The following PDE8B variants were observed in gnomAD, a reference collection of about 807,000 sequenced individuals.
PDE8B encodes the protein phosphodiesterase 8B, also known as high affinity cAMP-specific and IBMX-insensitive 3',5'-cyclic phosphodiesterase 8B.
Under a neutral mutation model 101.3 loss-of-function variants are expected in PDE8B, and 26 were observed. The ratio of observed to expected loss-of-function variants is 0.26; its 90% CI spans 0.19 to 0.36. PDE8B has a LOEUF of 0.36. Ranked by LOEUF, PDE8B falls within the 10% of genes least tolerant of loss-of-function variation. The pLI is 1.00. For missense variants in PDE8B, 810 were observed against 1,163.1 expected (o/e 0.70, Z 4.42); for synonymous variants, 424 against 429.3 (o/e 0.99, Z 0.15).
rs1261303529 is a variant in PDE8B at position 77,412,255 on chromosome 5, G to A, written c.1712+20G>A. Reference sequence around the variant, plus strand: ...TAAAAGGTATGTGACTTCTCTGGCTGAAGGCAGAGCAGGATTGATGGCCAT... The same window carrying A: ...TAAAAGGTATGTGACTTCTCTGGCTAAAGGCAGAGCAGGATTGATGGCCAT... On this transcript the variant is annotated intron_variant, in intron 16 of 21. Transcript: ENST00000264917. The A allele has an allele frequency of 6.2e-7, 1 of 1,612,968 alleles. No individual in the cohort carries two copies. Among genetic ancestry groups the A allele is most frequent in the Non-Finnish European group, 8.5e-7 (1 of 1,179,126 alleles).
intron 1 of PDE8B, among the ~76,000 whole-genome samples, chr5:77,240,501 G>A (rs967659830): frequency 6.6e-6 from 1 of 152,180 alleles, no homozygotes; most frequent in Non-Finnish European, 1.5e-5. Context: ...AGGAGGTCTC[G>A]TAGACAGGAT....
chr5:77,090,263 G>A, the PDE8B span, among the ~76,000 whole-genome samples: 141 of 151,948 alleles, frequency 9.3e-4, no homozygotes, highest in Middle Eastern at 0.014. Flanking sequence ...TTTTTGAGAC[G>A]GAGTCTTGCT....
intron 10 of PDE8B, among the ~76,000 whole-genome samples, chr5:77,396,574 C>T (rs941478974): frequency 1.3e-5 from 2 of 152,192 alleles, no homozygotes; most frequent in South Asian, 2.1e-4. Context: ...TAGGTGACCA[C>T]GTGGCCGCCC....
the PDE8B span, chr5:77,112,771 T>C: frequency 2.0e-5 from 3 of 152,170 alleles, no homozygotes. Context: ...GAAAGCCCCA[T>C]CATCTCAGCC....
intron 1 of PDE8B, among the ~76,000 whole-genome samples, chr5:77,285,611 A>G (rs1277163132): frequency 6.6e-6 from 1 of 151,522 alleles, no homozygotes; most frequent in Admixed American, 6.6e-5. Flanking sequence ...TCATTTGTTG[A>G]CTCCTTAAAT....
Position 77,425,768 on chromosome 5 carries a change from C to A in PDE8B, c.2420C>A (p.Thr807Asn). The part of the protein sequence containing the change: ...GRISEEYFAQ[T>N]DEEKRQGLPV... ...CTATGTGGTGGTTTTTTCTTACAGA[C>A]TGATGAAGAGAAGAGACAGGGACTA... The change falls in exon 21 of 22, where the codon ACT becomes AAT. Residue 807 changes from threonine (T) to asparagine (N), a missense_variant and splice_region_variant. By Grantham distance (65) the Thr-to-Asn change is moderately conservative. Around this residue, in one of 4 missense-constraint regions of PDE8B, gnomAD observed 325 missense variants for 560.9 expected, o/e 0.58. Coordinates refer to ENST00000264917, the MANE Select transcript of PDE8B (RefSeq NM_003719.5). The A allele has an allele frequency of 6.2e-7, 1 of 1,613,800 alleles. No individual in the cohort carries two copies. The highest frequency in any genetic ancestry group is 8.5e-7 in the Non-Finnish European group (1 of 1,179,730).
chr5:77,330,470 A>T (rs1282263226), intron 4 of PDE8B, among the ~76,000 whole-genome samples: 1 of 152,238 alleles, frequency 6.6e-6, no homozygotes, highest in Non-Finnish European at 1.5e-5. Context: ...AAGAAATAAA[A>T]CATTATTAAT....
chr5:77,340,294 G>T (rs569987667), intron 6 of PDE8B, among the ~76,000 whole-genome samples: 8 of 152,258 alleles, frequency 5.3e-5, no homozygotes, highest in African/African-American at 1.9e-4. Flanking sequence ...GTATTCTGTG[G>T]AACACCACAT....
At chr5:77,342,319 G>T (rs929189021) in intron 6 of PDE8B, among the ~76,000 whole-genome samples, 2 of 152,026 alleles carry the variant, frequency 1.3e-5, no homozygotes, top group African/African-American at 2.4e-5. Flanking sequence ...TGTGAAATAC[G>T]TATTATTATC....
At chr5:77,292,377 G>C (rs1767563957) in intron 1 of PDE8B, among the ~76,000 whole-genome samples, 1 of 152,170 alleles carries the variant, frequency 6.6e-6, no homozygotes, top group African/African-American at 2.4e-5. Context: ...GACAGCAATT[G>C]AAAGAGTATC....
At chr5:77,356,402 C>G (rs995077386) in intron 10 of PDE8B, among the ~76,000 whole-genome samples, 2 of 152,100 alleles carry the variant, frequency 1.3e-5, no homozygotes, top group African/African-American at 4.8e-5. Context: ...AGTTAGGGCC[C>G]TGACATTATA....
chr5:77,416,996 C>T (rs1581593707), intron 17 of PDE8B, among the ~76,000 whole-genome samples: 1 of 152,078 alleles, frequency 6.6e-6, no homozygotes, highest in African/African-American at 2.4e-5. Context: ...CTGGAATTGC[C>T]CTCTTGCTGC....
At chr5:77,423,132 T>G (rs1437975687) in intron 20 of PDE8B, among the ~76,000 whole-genome samples, 1 of 152,254 alleles carries the variant, frequency 6.6e-6, no homozygotes, top group Non-Finnish European at 1.5e-5. Flanking sequence ...TTTCTATTAT[T>G]ACTTCACTTT....
chr5:77,260,157 C>CAAAAAAAAAAAAAAAAAAAAAAAAAAA, intron 1 of PDE8B, among the ~76,000 whole-genome samples: 1 of 100,980 alleles, frequency 9.9e-6, no homozygotes, highest in Non-Finnish European at 2.0e-5. Flanking sequence ...AACTCCATCA[C>CAAAAAAAAAAAAAAAAAAAAAAAAAAA]AAAAAAAAAA....
the PDE8B span, among the ~76,000 whole-genome samples, chr5:77,099,316 A>G: frequency 3.3e-4 from 50 of 152,370 alleles, no homozygotes; most frequent in African/African-American, 1.2e-3. Flanking sequence ...GTTTGGAAAA[A>G]GTACAGACTA....
rs1159099512 is a variant in PDE8B at position 77,296,460 on chromosome 5, ACCATGTTAC to A, written c.340-15532_340-15524del. Among the ~76,000 whole-genome samples the A allele has an allele frequency of 5.3e-5, 8 of 152,058 alleles. No individual in the cohort carries two copies. In the South Asian group the frequency reaches 1.2e-3, roughly 24 times the overall value. ...TTACTTTTGGTAGAAATAGTGTCTC[ACCATGTTAC>A]CTAGGCTGGTCTTGAACTCTTGGCT... On this transcript the variant is annotated intron_variant, in intron 1 of 21. Coordinates refer to ENST00000264917, the MANE Select transcript of PDE8B (RefSeq NM_003719.5).
intron 1 of PDE8B, among the ~76,000 whole-genome samples, chr5:77,250,901 G>A (rs1757931792): frequency 6.6e-6 from 1 of 152,244 alleles, no homozygotes. Context: ...AACATCATGA[G>A]ATGTATTTTT....
chr5:77,199,066 G>C, the PDE8B span, among the ~76,000 whole-genome samples: 6 of 152,122 alleles, frequency 3.9e-5, no homozygotes, highest in African/African-American at 1.4e-4. Flanking sequence ...CTTTCCAGGG[G>C]AGTTTCTAAG....
At chr5:77,220,008 T>A (rs1013320738) in intron 1 of PDE8B, among the ~76,000 whole-genome samples, 2 of 152,196 alleles carry the variant, frequency 1.3e-5, no homozygotes, top group Non-Finnish European at 2.9e-5. Flanking sequence ...TAGGAAGTGT[T>A]GCTGGGACAG....
Sources: allele counts gnomAD v4.1 joint callset (sites outside exome capture counted in the v4.1 genomes callset), GRCh38; gene constraint gnomAD v4.1.1; regional missense constraint gnomAD v4.1.1; transcripts MANE v1.5; gene names NCBI Gene and HGNC (gene_info 2026-07-23, HGNC 2026-07-21).